Variants in TDRP observed in about 807,000 individuals in gnomAD.
TDRP encodes the protein testis development-related protein.
A neutral mutation model predicts 10.5 loss-of-function variants in TDRP; 12 were observed. That is an observed-to-expected ratio of 1.15 (90% CI 0.73 to 1.86). The LOEUF (loss-of-function observed/expected upper bound fraction) is 1.86, where lower values mean the gene tolerates loss of function less well. Among genes scored for constraint, TDRP ranks in the 40% most tolerant of loss-of-function variants. TDRP has a pLI of 0.00. For synonymous variants in TDRP, 139 were observed against 95.4 expected, an observed-to-expected ratio of 1.46 and a Z score of -2.67; for missense variants, 353 against 229.2, an observed-to-expected ratio of 1.54 and a Z score of -3.49.
chr8:516,928 A>C (rs770395914), intron 1 of TDRP, among the ~76,000 whole-genome samples: 6 of 152,230 alleles, frequency 3.9e-5, no homozygotes, highest in Admixed American at 3.9e-4. Flanking sequence ...CAGTGCTAAA[A>C]AGAAATGCAC....
chr8:538,241 T>C (rs950154366), intron 1 of TDRP, among the ~76,000 whole-genome samples: 1 of 152,116 alleles, frequency 6.6e-6, no homozygotes, highest in African/African-American at 2.4e-5. Flanking sequence ...TTGCTACAGG[T>C]GGGCCAAGAA....
rs563743416 is a variant in TDRP, at chr8:527,607, C to T, written c.108+17043G>A. Among the ~76,000 whole-genome samples the T allele has an allele frequency of 2.0e-5, 3 of 152,232 alleles. No homozygotes were observed. The South Asian group carries it at 6.2e-4, about 32-fold the overall frequency. On this transcript the variant is annotated intron_variant, in intron 1 of 2. Coordinates refer to ENST00000324079, the MANE Select transcript of TDRP (RefSeq NM_001384899.1). ...AGAACCCAGAAACAAATCCATACAT[C>T]TACAGTGAAGTCATTTTTTACAAAG...
chr8:495,897 G>C (rs1048829830), intron 1 of TDRP, among the ~76,000 whole-genome samples: 1 of 152,164 alleles, frequency 6.6e-6, no homozygotes, highest in Non-Finnish European at 1.5e-5. Flanking sequence ...AGGGACTAAG[G>C]GGTCCCACTT....
chr8:531,401 C>T (rs563925160), intron 1 of TDRP, among the ~76,000 whole-genome samples: 2 of 152,182 alleles, frequency 1.3e-5, no homozygotes, highest in South Asian at 2.1e-4. Flanking sequence ...ATTGGGCACC[C>T]GTTGGTATCT....
rs1251135411 is a variant in TDRP at position 491,785 on chromosome 8, T to A, written c.*614A>T. 7.8e-7 allele frequency: 1 copy of A among 1,285,472 alleles called. No homozygotes were observed. Among genetic ancestry groups the A allele is most frequent in the Non-Finnish European group, 9.8e-7 (1 of 1,019,926 alleles). The allele number at this position is 1,285,472 out of a possible 1,614,324, so 79.6% of individuals were successfully genotyped here. A position where few individuals can be genotyped will look rare whatever the true frequency, so the allele number is the denominator to read the frequency against. On this transcript the variant is annotated 3_prime_UTR_variant, in exon 3 of 3. Coordinates refer to ENST00000324079, the MANE Select transcript of TDRP (RefSeq NM_001384899.1). ...AACCACTGTTACTATCCAGTGGACA[T>A]ACAAGAAGCTATTCCTCCCTCAGCA...
chr8:529,319 AGT>A (rs1802120368), intron 1 of TDRP, among the ~76,000 whole-genome samples: 1 of 152,106 alleles, frequency 6.6e-6, no homozygotes, highest in Non-Finnish European at 1.5e-5. Flanking sequence ...AACCAAATCG[AGT>A]ATTTTATATT....
At chr8:540,946 C>G (rs758628603) in intron 1 of TDRP, among the ~76,000 whole-genome samples, 15 of 152,022 alleles carry the variant, frequency 9.9e-5, no homozygotes, top group Non-Finnish European at 1.9e-4. Flanking sequence ...CACTGACTGA[C>G]AGATTTGGAG....
rs374627788 is a variant in TDRP at position 521,278 on chromosome 8, G to C, written c.108+23372C>G. ...AAAAAAAAAAAAAAAATAGGCAGGC[G>C]TGGTGGTGGGCGCCTGTAGTCCCAG... On this transcript the variant is annotated intron_variant, in intron 1 of 2. Transcript: ENST00000324079. Among the ~76,000 whole-genome samples the C allele has an allele frequency of 5.7e-3, 861 of 149,930 alleles. 11 individuals carry two copies. The highest frequency in any genetic ancestry group is 0.02 in the African/African-American group (814 of 40,610).
At chr8:532,215 C>G (rs73670303) in intron 1 of TDRP, among the ~76,000 whole-genome samples, 3 of 152,326 alleles carry the variant, frequency 2.0e-5, no homozygotes, top group African/African-American at 4.8e-5. Flanking sequence ...CAGGAAGGTG[C>G]CTGTGTTGCA....
At chr8:517,023 T>C (rs990408304) in intron 1 of TDRP, among the ~76,000 whole-genome samples, 2 of 152,182 alleles carry the variant, frequency 1.3e-5, no homozygotes, top group Non-Finnish European at 2.9e-5. Flanking sequence ...GAATGGACTC[T>C]GCTCTTGGAG....
intron 1 of TDRP, among the ~76,000 whole-genome samples, chr8:506,788 A>C (rs1307201611): frequency 6.6e-6 from 1 of 152,104 alleles, no homozygotes; most frequent in Non-Finnish European, 1.5e-5. Context: ...ACCAGCACTA[A>C]CCTTCAGAGC....
rs1800983330 is a variant in TDRP, at chr8:491,763, C to G, written c.*636G>C. 1.4e-6 allele frequency: 2 copies of G among 1,396,688 alleles called. No individual in the cohort carries two copies. The highest frequency in any genetic ancestry group is 2.9e-5 in the African/African-American group (2 of 68,302). The allele number at this position is 1,396,688 out of a possible 1,614,324, so 86.5% of individuals were successfully genotyped here. ...TAAAAATAAAATTCCAAAAAAGAAC[C>G]ACTGTTACTATCCAGTGGACATACA... On this transcript the variant is annotated 3_prime_UTR_variant, in exon 3 of 3. Transcript: ENST00000324079.
intron 1 of TDRP, among the ~76,000 whole-genome samples, chr8:501,858 G>C (rs59085369): frequency 6.6e-6 from 1 of 152,152 alleles, no homozygotes; most frequent in Non-Finnish European, 1.5e-5. Context: ...CAGAAATACA[G>C]CTCTTTGTGA....
At chr8:498,978 C>G (rs1025536224) in intron 1 of TDRP, among the ~76,000 whole-genome samples, 6 of 152,088 alleles carry the variant, frequency 3.9e-5, no homozygotes, top group African/African-American at 1.4e-4. Context: ...TCCCCAGCCA[C>G]ATGGAACTGT....
At chr8:508,218 T>C (rs1801516857) in intron 1 of TDRP, among the ~76,000 whole-genome samples, 1 of 152,194 alleles carries the variant, frequency 6.6e-6, no homozygotes, top group Non-Finnish European at 1.5e-5. Context: ...AAAAGTATAA[T>C]ACATGAAATA....
chr8:512,084 T>A lies in TDRP; in HGVS notation c.109-17487A>T, dbSNP rs547472783. ...AAAGCACAAATTAATCAATAGAGAA[T>A]AACAGAAGAGAAATAAACAAAACCA... On this transcript the variant is annotated intron_variant, in intron 1 of 2. Transcript: ENST00000324079. Among the ~76,000 whole-genome samples the A allele has an allele frequency of 7.9e-5, 12 of 151,322 alleles. No individual in the cohort carries two copies. In the South Asian group the frequency reaches 2.5e-3, roughly 31 times the overall value.
chr8:524,923 C>T (rs1801999035), intron 1 of TDRP, among the ~76,000 whole-genome samples: 1 of 152,114 alleles, frequency 6.6e-6, no homozygotes, highest in Admixed American at 6.6e-5. Flanking sequence ...CAGAGAACTT[C>T]TCAATCCTAG....
At chr8:533,862 C>T (rs1012671415) in intron 1 of TDRP, among the ~76,000 whole-genome samples, 2 of 152,178 alleles carry the variant, frequency 1.3e-5, no homozygotes, top group African/African-American at 4.8e-5. Context: ...TGCTAATTTA[C>T]CGAGAACTGT....
chr8:529,446 A>C (rs889568787), intron 1 of TDRP, among the ~76,000 whole-genome samples: 2 of 152,146 alleles, frequency 1.3e-5, no homozygotes, highest in African/African-American at 4.8e-5. Flanking sequence ...TTTTGTCCAC[A>C]TATTTCCCTT....
Sources: gnomAD v4.1 joint callset for allele counts (sites outside exome capture counted in the v4.1 genomes callset) on GRCh38, gnomAD v4.1.1 for gene constraint, MANE v1.5 for transcripts, NCBI Gene and HGNC (gene_info 2026-07-23, HGNC 2026-07-21) for gene names.